KCNMA1: variants seen among roughly 807,000 people sequenced by gnomAD.
KCNMA1 encodes Calcium-activated potassium channel subunit alpha-1.
Under a neutral mutation model 140.0 loss-of-function variants are expected in KCNMA1, and 29 were observed. The observed-to-expected ratio is 0.21, with a 90% CI of 0.15 to 0.28. The LOEUF is 0.28. Among genes scored for constraint, KCNMA1 ranks in the 10% least tolerant of loss-of-function variants. KCNMA1 has a pLI of 1.00. For synonymous variants in KCNMA1, 612 were observed against 611.9 expected, an observed-to-expected ratio of 1.00 and a Z score of 0.00; for missense variants, 880 against 1,602.2, an observed-to-expected ratio of 0.55 and a Z score of 7.70.
At chr10:77,195,626 T>C (rs867427387) in intron 3 of KCNMA1, among the ~76,000 whole-genome samples, 10 of 152,114 alleles carry the variant, frequency 6.6e-5, no homozygotes, top group African/African-American at 2.4e-4. Context: ...TTTATCAAAA[T>C]TAGGTTTCCC....
At chr10:77,637,156 C>A (rs987478621) in intron 1 of KCNMA1, 109 bp downstream of exon 1, 1 of 1,250,046 alleles carries the variant, frequency 8.0e-7, no homozygotes, top group African/African-American at 1.5e-5. Flanking sequence ...GGAAGGCAGG[C>A]GGGGATGGAG....
intron 1 of KCNMA1, chr10:77,636,057 A>T: frequency 2.9e-6 from 1 of 340,546 alleles, no homozygotes; most frequent in Non-Finnish European, 4.7e-6. Flanking sequence ...TAACTTTACT[A>T]GAAAAGATGT....
chr10:77,039,778 C>T (rs572350639), intron 14 of KCNMA1, 141 bp from the exon 15 acceptor site: 3 of 692,930 alleles, frequency 4.3e-6, no homozygotes, highest in East Asian at 2.7e-5. Flanking sequence ...AACACGGCCT[C>T]TGCACCCATA....
intron 23 of KCNMA1, among the ~76,000 whole-genome samples, chr10:76,934,058 C>T (rs571354568): frequency 4.7e-4 from 71 of 152,204 alleles, no homozygotes; most frequent in African/African-American, 1.6e-3. Flanking sequence ...CTGCAACCTC[C>T]ACCTCCTGGG....
At chr10:77,351,407 T>C (rs1238709156) in intron 2 of KCNMA1, among the ~76,000 whole-genome samples, 1 of 152,170 alleles carries the variant, frequency 6.6e-6, no homozygotes, top group Non-Finnish European at 1.5e-5. Context: ...CTCCAGCCTA[T>C]TTGGTAAGCT....
At chr10:77,405,553 A>C (rs1274370119) in intron 1 of KCNMA1, among the ~76,000 whole-genome samples, 2 of 152,190 alleles carry the variant, frequency 1.3e-5, no homozygotes, top group African/African-American at 2.4e-5. Flanking sequence ...TTTTAGTATA[A>C]GTATATTCCA....
intron 1 of KCNMA1, among the ~76,000 whole-genome samples, chr10:77,614,151 T>C (rs558265947): frequency 4.6e-5 from 7 of 152,272 alleles, no homozygotes; most frequent in African/African-American, 1.7e-4. Flanking sequence ...TTAAATACCC[T>C]GAGAGAGCCA....
chr10:77,167,427 T>C (rs1225351329), intron 5 of KCNMA1, among the ~76,000 whole-genome samples: 1 of 152,160 alleles, frequency 6.6e-6, no homozygotes, highest in Non-Finnish European at 1.5e-5. Flanking sequence ...GCATTTGTGT[T>C]TGCAATCTGG....
chr10:77,011,970 G>A lies in KCNMA1; in HGVS notation c.2089C>T (p.Arg697Trp), dbSNP rs202188493. 27 of 1,613,502 alleles carry A rather than the reference G, an allele frequency of 1.7e-5. No homozygotes were observed. Among genetic ancestry groups the A allele is most frequent in the Admixed American group, 1.7e-5 (1 of 59,992 alleles). ...CAGGGAGAGAAACACTACTTACGCCGTTTGCAGCCACATTTTTTTATTCTT... is the reference window on the plus strand; with the variant it reads ...CAGGGAGAGAAACACTACTTACGCCATTTGCAGCCACATTTTTTTATTCTT... ...PKRIKKCGCKRPKMSIYKRMR... is the reference protein window; with the variant it reads ...PKRIKKCGCKWPKMSIYKRMR... The change falls in exon 18 of 28, where the codon CGG (arginine) becomes TGG (tryptophan). Residue 697 changes from arginine to tryptophan, a missense_variant. Physicochemically the swap from Arg to Trp is moderately radical, Grantham distance 101 (BLOSUM62 -3). Around this residue, in one of 13 missense-constraint regions of KCNMA1, gnomAD observed 196 missense variants for 233.0 expected, o/e 0.84. Coordinates refer to ENST00000286628, the MANE Select transcript of KCNMA1 (RefSeq NM_001161352.2).
chr10:77,487,532 C>A (rs1185951052), intron 1 of KCNMA1, among the ~76,000 whole-genome samples: 1 of 152,178 alleles, frequency 6.6e-6, no homozygotes, highest in African/African-American at 2.4e-5. Flanking sequence ...GCACATTCCC[C>A]TTACCACACC....
chr10:77,282,312 T>G (rs1010017382), intron 2 of KCNMA1, among the ~76,000 whole-genome samples: 1 of 152,154 alleles, frequency 6.6e-6, no homozygotes, highest in Non-Finnish European at 1.5e-5. Flanking sequence ...CTTTCCTCCA[T>G]GACTCAGGTG....
chr10:77,563,493 C>T (rs1407370322), intron 1 of KCNMA1, among the ~76,000 whole-genome samples: 1 of 152,140 alleles, frequency 6.6e-6, no homozygotes, highest in African/African-American at 2.4e-5. Context: ...GACAGGTCTC[C>T]TGACTGCCCT....
intron 2 of KCNMA1, among the ~76,000 whole-genome samples, chr10:77,392,156 A>AAGGG (rs1230367154): frequency 1.0e-5 from 1 of 99,712 alleles, no homozygotes; most frequent in Non-Finnish European, 2.0e-5. Context: ...GGGAGGGAGG[A>AAGGG]AGGGAGGGAG....
At chr10:77,251,055 A>G (rs1002025325) in intron 3 of KCNMA1, 140 bp downstream of exon 3, 5 of 728,188 alleles carry the variant, frequency 6.9e-6, no homozygotes, top group African/African-American at 5.2e-5. Context: ...AAATCAGTAC[A>G]GTACAGCACT....
chr10:77,401,044 T>C (rs1402621437), intron 2 of KCNMA1, among the ~76,000 whole-genome samples: 1 of 151,970 alleles, frequency 6.6e-6, no homozygotes. Context: ...ACTTGTCCTA[T>C]AGCCTCCAAG....
chr10:77,000,864 ATATATAT>A (rs2153407020), intron 19 of KCNMA1, among the ~76,000 whole-genome samples: 1 of 16,308 alleles, frequency 6.1e-5, no homozygotes, highest in African/African-American at 2.6e-4. Flanking sequence ...GAAAATATAT[ATATATAT>A]ATATATATAT....
chr10:76,978,884 C>T (rs1463984348), intron 19 of KCNMA1, among the ~76,000 whole-genome samples: 1 of 152,130 alleles, frequency 6.6e-6, no homozygotes, highest in Non-Finnish European at 1.5e-5. Context: ...TTTATACTGT[C>T]TTCACTTAAA....
exon 28 of KCNMA1, chr10:76,872,026 G>T (rs1423389716): frequency 6.6e-6 from 1 of 152,160 alleles, no homozygotes; most frequent in African/African-American, 2.4e-5. Context: ...AGCTGCAAGG[G>T]TGTTTTCATA....
chr10:77,383,056 A>C (rs2095483865), intron 2 of KCNMA1, among the ~76,000 whole-genome samples: 1 of 140,388 alleles, frequency 7.1e-6, no homozygotes, highest in African/African-American at 2.7e-5. Flanking sequence ...AAGTTTTCAG[A>C]TTGCTCTCAC....
Sources: allele counts gnomAD v4.1 joint callset (sites outside exome capture counted in the v4.1 genomes callset), GRCh38; gene constraint gnomAD v4.1.1; regional missense constraint gnomAD v4.1.1; transcripts MANE v1.5; gene names NCBI Gene and HGNC (gene_info 2026-07-23, HGNC 2026-07-21).